The following CDH13 variants were observed in gnomAD, a reference collection of about 807,000 sequenced individuals.
CDH13 encodes cadherin-13.
In CDH13, 24 loss-of-function variants were observed where a neutral mutation model predicts 63.8. The ratio of observed to expected loss-of-function variants is 0.38; its 90% confidence interval spans 0.27 to 0.53. The LOEUF is 0.53. Among genes scored for constraint, CDH13 ranks in the 20% least tolerant of loss-of-function variants. The pLI, the probability that CDH13 is intolerant of heterozygous loss-of-function variation, is 0.85. For synonymous variants in CDH13, 503 were observed against 355.3 expected, an observed-to-expected ratio of 1.42 and a Z score of -4.67; for missense variants, 1,049 against 903.1, an observed-to-expected ratio of 1.16 and a Z score of -2.07.
chr16:83,348,083 G>C (rs965984812), intron 6 of CDH13, among the ~76,000 whole-genome samples: 1 of 152,116 alleles, frequency 6.6e-6, no homozygotes, highest in South Asian at 2.1e-4. Context: ...CCAGCTAGTC[G>C]GGAGGCTGAG....
intron 7 of CDH13, among the ~76,000 whole-genome samples, chr16:83,595,121 A>G (rs960444417): frequency 3.3e-5 from 5 of 152,250 alleles, no homozygotes; most frequent in African/African-American, 1.2e-4. Flanking sequence ...AGATAGCTTC[A>G]AATAAAATCA....
chr16:83,103,109 C>A (rs1168344993), intron 3 of CDH13, among the ~76,000 whole-genome samples: 1 of 151,380 alleles, frequency 6.6e-6, no homozygotes, highest in South Asian at 2.1e-4. Context: ...TGTGCCACCA[C>A]GCCCAGCTAA....
At chr16:82,654,938 C>G (rs1911131846) in intron 1 of CDH13, among the ~76,000 whole-genome samples, 1 of 152,190 alleles carries the variant, frequency 6.6e-6, no homozygotes, top group African/African-American at 2.4e-5. Flanking sequence ...GGCAAAGTAG[C>G]TGAGGCCCAC....
intron 2 of CDH13, among the ~76,000 whole-genome samples, chr16:82,956,423 C>G (rs559999001): frequency 6.6e-6 from 1 of 152,114 alleles, no homozygotes; most frequent in Non-Finnish European, 1.5e-5. Flanking sequence ...TCCTGCCACA[C>G]CCTTTGGAAC....
At chr16:82,639,242 C>G (rs920036341) in intron 1 of CDH13, 5 of 539,878 alleles carry the variant, frequency 9.3e-6, no homozygotes, top group Admixed American at 6.7e-5. Context: ...AGTTCCTAGT[C>G]TCTCAAAGTG....
chr16:83,451,848 C>G (rs1239284211), intron 6 of CDH13, among the ~76,000 whole-genome samples: 2 of 152,316 alleles, frequency 1.3e-5, no homozygotes, highest in East Asian at 1.9e-4. Context: ...AATATTCTTC[C>G]TCCTATTTTT....
At chr16:83,703,931 A>G (rs1362829937) in intron 10 of CDH13, among the ~76,000 whole-genome samples, 1 of 152,170 alleles carries the variant, frequency 6.6e-6, no homozygotes, top group African/African-American at 2.4e-5. Flanking sequence ...AAAATATGTC[A>G]TCTAAAACCT....
At chr16:83,565,674 T>C (rs1718170100) in intron 7 of CDH13, among the ~76,000 whole-genome samples, 2 of 152,182 alleles carry the variant, frequency 1.3e-5, no homozygotes, top group African/African-American at 4.8e-5. Flanking sequence ...CTGGGCATTC[T>C]CCTTTCTCTT....
At chr16:83,168,581 T>G (rs2037787253) in intron 4 of CDH13, among the ~76,000 whole-genome samples, 1 of 151,808 alleles carries the variant, frequency 6.6e-6, no homozygotes, top group African/African-American at 2.4e-5. Context: ...ATAAAAGTAA[T>G]GTTCAGTATT....
chr16:82,824,350 A>T (rs1448120501), intron 1 of CDH13: 1 of 152,200 alleles, frequency 6.6e-6, no homozygotes, highest in African/African-American at 2.4e-5. Flanking sequence ...TTGTTTTCAG[A>T]ATTCCTTGTA....
chr16:83,367,100 C>A (rs1226834121), intron 6 of CDH13, among the ~76,000 whole-genome samples: 1 of 152,156 alleles, frequency 6.6e-6, no homozygotes, highest in Non-Finnish European at 1.5e-5. Flanking sequence ...AAATGAAATT[C>A]TGGGCTCATT....
intron 1 of CDH13, among the ~76,000 whole-genome samples, chr16:82,769,141 C>G (rs560552775): frequency 6.6e-6 from 1 of 152,064 alleles, no homozygotes; most frequent in Non-Finnish European, 1.5e-5. Flanking sequence ...CTAAACAGAC[C>G]CATCATGTCA....
At chr16:83,345,519 C>T (rs796902271) in intron 6 of CDH13, among the ~76,000 whole-genome samples, 4 of 152,188 alleles carry the variant, frequency 2.6e-5, no homozygotes, top group African/African-American at 9.7e-5. Context: ...TTTGATATCT[C>T]TCTCTGGAAA....
intron 5 of CDH13, among the ~76,000 whole-genome samples, chr16:83,272,019 TC>T (rs2088834736): frequency 6.6e-6 from 1 of 152,220 alleles, no homozygotes; most frequent in Admixed American, 6.5e-5. Context: ...AAAGTGTTTT[TC>T]ATCCATTATC....
At chr16:82,858,929 C>G (rs1399400272) in intron 2 of CDH13, 2 of 168,568 alleles carry the variant, frequency 1.2e-5, no homozygotes, top group African/African-American at 4.7e-5. Flanking sequence ...ATCAAAAACT[C>G]TTATTCTTAA....
chr16:82,775,371 T>C (rs982121499), intron 1 of CDH13, among the ~76,000 whole-genome samples: 1 of 152,224 alleles, frequency 6.6e-6, no homozygotes, highest in African/African-American at 2.4e-5. Context: ...ACTTACCAGC[T>C]GTATGTATGA....
intron 2 of CDH13, among the ~76,000 whole-genome samples, chr16:82,988,904 A>T (rs1318642265): frequency 6.6e-6 from 1 of 152,162 alleles, no homozygotes; most frequent in Non-Finnish European, 1.5e-5. Flanking sequence ...AGGTCAGAAC[A>T]TTCCAAGTGA....
intron 1 of CDH13, among the ~76,000 whole-genome samples, chr16:82,713,727 T>G (rs1403405051): frequency 4.6e-5 from 7 of 150,622 alleles, no homozygotes; most frequent in Non-Finnish European, 5.9e-5. Context: ...GGTGGCCTAG[T>G]GCATGTTTCA....
chr16:82,969,398 C>A (rs892649209), intron 2 of CDH13, among the ~76,000 whole-genome samples: 2 of 152,048 alleles, frequency 1.3e-5, no homozygotes, highest in Non-Finnish European at 2.9e-5. Context: ...CCCCTGATCT[C>A]TCCCACCTCA....
Sources: gnomAD v4.1 joint callset for allele counts (sites outside exome capture counted in the v4.1 genomes callset) on GRCh38, gnomAD v4.1.1 for gene constraint, MANE v1.5 for transcripts, NCBI Gene and HGNC (gene_info 2026-07-23, HGNC 2026-07-21) for gene names.